The following TXNDC11 variants were observed in gnomAD, a reference collection of about 807,000 sequenced individuals.
TXNDC11 encodes the protein thioredoxin domain containing 11.
A neutral mutation model predicts 78.0 loss-of-function variants in TXNDC11; 68 were observed. The ratio of observed to expected loss-of-function variants is 0.87; its 90% CI spans 0.72 to 1.07. The LOEUF is 1.07. Among genes scored for constraint, TXNDC11 ranks in the 50% least tolerant of loss-of-function variants. The pLI, the probability that TXNDC11 is intolerant of heterozygous loss-of-function variation, is 0.00. For missense variants in TXNDC11, 1,389 were observed against 1,221.8 expected (o/e 1.14, Z -2.04); for synonymous variants, 571 against 495.2 (o/e 1.15, Z -2.03).
In TXNDC11 at chr16:11,685,873, T is replaced by C. The variant is rs2050554886; in HGVS notation, c.2154-1628A>G. ...ACTTCAAAGAAAGCAAACTATAAAATTAAAACATTGTAAAAATCCACTCAG... is the reference window on the plus strand; with the variant it reads ...ACTTCAAAGAAAGCAAACTATAAAACTAAAACATTGTAAAAATCCACTCAG... On this transcript the variant is annotated intron_variant, in intron 10 of 11. Coordinates refer to ENST00000283033, the MANE Select transcript of TXNDC11 (RefSeq NM_015914.7). 2.0e-5 allele frequency among the ~76,000 whole-genome samples: 3 copies of C among 152,320 alleles called. No individual in the cohort carries two copies. In the East Asian group the frequency reaches 5.8e-4, roughly 29 times the overall value.
At chr16:11,741,318 T>A (rs1287314411) in intron 1 of TXNDC11, among the ~76,000 whole-genome samples, 2 of 152,234 alleles carry the variant, frequency 1.3e-5, no homozygotes, top group East Asian at 3.8e-4. Flanking sequence ...AGACCCACTG[T>A]GGATTTGGGA....
chr16:11,707,053 A>C (rs2051201978), intron 5 of TXNDC11, among the ~76,000 whole-genome samples: 1 of 152,154 alleles, frequency 6.6e-6, no homozygotes, highest in Admixed American at 6.5e-5. Context: ...GGATCCTAGA[A>C]CTAATCCCCA....
intron 3 of TXNDC11, among the ~76,000 whole-genome samples, chr16:11,732,775 G>A (rs981632970): frequency 2.0e-5 from 3 of 152,202 alleles, no homozygotes; most frequent in African/African-American, 7.2e-5. Flanking sequence ...TACAGACACG[G>A]AAATGGGATG....
At position 11,688,391 on chromosome 16, in the gene TXNDC11, A is replaced by G. The variant is rs2050622371; in HGVS notation, c.1955T>C (p.Ile652Thr). 2 of 1,614,064 alleles carry G rather than the reference A, an allele frequency of 1.2e-6. No individual in the cohort carries two copies. The highest frequency in any genetic ancestry group is 1.1e-5 in the South Asian group (1 of 91,082). The part of the protein sequence containing the change: ...VLYSPLKRHL[I>T]GSGSAQFPSQ... ...CGGGAACTGGGCAGAGCCACTTCCA[A>G]TGAGATGCCTTTTCAAGGGACTATA... Residue 652 changes from isoleucine (I) to threonine (T), a missense_variant, in exon 9 of 12, where the codon ATT (isoleucine) becomes ACT (threonine). Transcript: ENST00000283033.
At position 11,679,323 on chromosome 16, in the gene TXNDC11, G is replaced by C; in HGVS notation, c.2749C>G (p.Gln917Glu). ...GGCTGCTTGGGGTGGACCTCTCTCTGGGCCGCCAGGCTTTCAGCTCCATCC... is the reference window on the plus strand; with the variant it reads ...GGCTGCTTGGGGTGGACCTCTCTCTCGGCCGCCAGGCTTTCAGCTCCATCC... ...GRDGAESLAA[Q>E]REVHPKQPEP... Residue 917 changes from glutamine to glutamate, a missense_variant, in exon 12 of 12, where the codon CAG becomes GAG. Coordinates refer to ENST00000283033, the MANE Select transcript of TXNDC11 (RefSeq NM_015914.7). This position sits in a 1 kb window ranked among gnomAD's most constrained non-coding sequence, Gnocchi z 4.6. The C allele has an allele frequency of 6.2e-7, 1 of 1,612,630 alleles. No individual in the cohort carries two copies. Among genetic ancestry groups the C allele is most frequent in the South Asian group, 1.1e-5 (1 of 91,040 alleles).
chr16:11,734,454 C>T (rs2052161953), intron 2 of TXNDC11, among the ~76,000 whole-genome samples: 1 of 152,116 alleles, frequency 6.6e-6, no homozygotes, highest in Non-Finnish European at 1.5e-5. Flanking sequence ...CTGGATTGCA[C>T]TACAACCCCC....
Position 11,742,612 on chromosome 16 carries a change from G to T in TXNDC11, c.119C>A (p.Ala40Asp). 1 of 1,463,698 alleles carries T rather than the reference G, an allele frequency of 6.8e-7. No homozygotes were observed. The highest frequency in any genetic ancestry group is 9.0e-7 in the Non-Finnish European group (1 of 1,114,158). 90.7% of individuals were successfully genotyped at this position (1,463,698 alleles called of 1,614,324 possible). Residue 40 changes from alanine (A) to aspartate (D), a missense_variant, in exon 1 of 12, where the codon GCC (alanine) becomes GAC (aspartate). Physicochemically the swap from Ala to Asp is moderately radical, Grantham distance 126 (BLOSUM62 -2). Transcript: ENST00000283033. ...GAGCCGGCCCGCCGAGGACGCTGTG[G>T]CCAGGGTCGGGCTCGAGCTGAGGCA... ...SDCLSSSPTL[A>D]TASSAGRLRR...
At chr16:11,699,783 G>A (rs1303197580) in intron 6 of TXNDC11, among the ~76,000 whole-genome samples, 2 of 152,212 alleles carry the variant, frequency 1.3e-5, no homozygotes, top group Non-Finnish European at 2.9e-5. Context: ...GTAAGTTACT[G>A]ACAGTGATGC....
At chr16:11,729,462 T>G (rs1459133366) in intron 4 of TXNDC11, among the ~76,000 whole-genome samples, 1 of 93,986 alleles carries the variant, frequency 1.1e-5, no homozygotes, top group African/African-American at 5.1e-5. Context: ...TTAACACATA[T>G]GTAGTTTCCA....
At chr16:11,706,584 C>T (rs1597446982) in intron 5 of TXNDC11, among the ~76,000 whole-genome samples, 1 of 152,350 alleles carries the variant, frequency 6.6e-6, no homozygotes, top group East Asian at 1.9e-4. Context: ...AGGTTTACTC[C>T]TGGTCATCTC....
At chr16:11,726,975 C>A (rs138211285) in intron 4 of TXNDC11, among the ~76,000 whole-genome samples, 2 of 152,242 alleles carry the variant, frequency 1.3e-5, no homozygotes, top group African/African-American at 4.8e-5. Flanking sequence ...ATCACCTGAA[C>A]CCAGGAGGTG....
intron 5 of TXNDC11, among the ~76,000 whole-genome samples, chr16:11,720,501 C>T (rs1391890239): frequency 6.6e-5 from 10 of 150,752 alleles, no homozygotes; most frequent in Non-Finnish European, 5.9e-5. Context: ...CTGCAACCTC[C>T]GCCTCCCGGG....
intron 5 of TXNDC11, chr16:11,703,752 T>G (rs1314747113): frequency 2.9e-6 from 2 of 701,076 alleles, no homozygotes; most frequent in Non-Finnish European, 5.2e-6. Flanking sequence ...ATTCCAGAGC[T>G]GGGGTGAAGA....
At chr16:11,708,042 C>G (rs899982331) in intron 5 of TXNDC11, among the ~76,000 whole-genome samples, 1 of 152,102 alleles carries the variant, frequency 6.6e-6, no homozygotes, top group African/African-American at 2.4e-5. Context: ...TATAATTGCA[C>G]CACTGCACTC....
intron 5 of TXNDC11, among the ~76,000 whole-genome samples, chr16:11,702,708 AAC>A (rs1245754782): frequency 6.6e-6 from 1 of 152,212 alleles, no homozygotes; most frequent in Non-Finnish European, 1.5e-5. Context: ...TTTTTTAAAA[AAC>A]AGTTAAACAT....
At chr16:11,709,678 G>A (rs1440427268) in intron 5 of TXNDC11, among the ~76,000 whole-genome samples, 2 of 151,522 alleles carry the variant, frequency 1.3e-5, no homozygotes, top group Non-Finnish European at 2.9e-5. Flanking sequence ...CTCGTGATCC[G>A]CCCGCCTCGG....
intron 5 of TXNDC11, among the ~76,000 whole-genome samples, chr16:11,708,452 G>A (rs1001765253): frequency 6.6e-6 from 1 of 152,172 alleles, no homozygotes; most frequent in Non-Finnish European, 1.5e-5. Context: ...AGCACTTGGT[G>A]TACTACAAAG....
rs867969142 is a variant in TXNDC11, at chr16:11,742,233, G to C, written c.254+244C>G. 108 of 426,234 alleles carry C rather than the reference G, an allele frequency of 2.5e-4. No homozygotes were observed. The Middle Eastern group carries it at 3.7e-3, about 14-fold the overall frequency. The allele number at this position is 426,234 out of a possible 1,614,324, so 26.4% of individuals were successfully genotyped here. On this transcript the variant is annotated intron_variant, in intron 1 of 11. Coordinates refer to ENST00000283033, the MANE Select transcript of TXNDC11 (RefSeq NM_015914.7). ...GGAGCACCCCCGACCCGCCTCCCTC[G>C]GCACTAAAGCGGGACGATAGGGCGC...
chr16:11,685,342 C>A (rs1051911506), intron 10 of TXNDC11, among the ~76,000 whole-genome samples: 3 of 151,888 alleles, frequency 2.0e-5, no homozygotes, highest in Non-Finnish European at 4.4e-5. Context: ...CAGAGTGAGA[C>A]CCTGTCTCAA....
Sources: gnomAD v4.1 joint callset for allele counts (sites outside exome capture counted in the v4.1 genomes callset) on GRCh38, gnomAD v4.1.1 for gene constraint, Gnocchi (gnomAD v3.1) non-coding constraint, MANE v1.5 for transcripts, NCBI Gene and HGNC (gene_info 2026-07-23, HGNC 2026-07-21) for gene names.